TARDBP: variants seen among roughly 807,000 people sequenced by gnomAD.
TARDBP encodes the protein TAR DNA-binding protein 43.
Under a neutral mutation model 38.3 loss-of-function variants are expected in TARDBP, and 4 were observed. The observed-to-expected ratio is 0.10, with a 90% CI of 0.05 to 0.24. The LOEUF is 0.24. Among genes scored for constraint, TARDBP ranks in the 10% least tolerant of loss-of-function variants. The probability of loss-of-function intolerance (pLI) is 1.00; values close to 1 mark genes in which losing one functional copy is unlikely to be tolerated. For missense variants in TARDBP, 202 were observed against 521.9 expected, an observed-to-expected ratio of 0.39 and a Z score of 5.97; for synonymous variants, 184 against 183.8, an observed-to-expected ratio of 1.00 and a Z score of -0.01.
At chr1:11,013,130 G>A (rs1250386780) in intron 1 of TARDBP, among the ~76,000 whole-genome samples, 1 of 152,252 alleles carries the variant, frequency 6.6e-6, no homozygotes. Context: ...GGAGGCGACG[G>A]CCGGCACCGC....
chr1:11,017,076 A>G, intron 3 of TARDBP, 69 bp downstream of exon 3: 1 of 1,522,078 alleles, frequency 6.6e-7, no homozygotes, highest in African/African-American at 1.4e-5. Flanking sequence ...ATTTATTGGT[A>G]TAAATAGAGA....
chr1:11,030,143 A>G (rs1643818110), downstream of TARDBP: 6 of 1,516,580 alleles, frequency 4.0e-6, no homozygotes, highest in Middle Eastern at 3.4e-4. Context: ...CTTTCCATCA[A>G]TTACCAGTCT....
rs1643463035 is a variant in TARDBP, at chr1:11,013,785, T to G, written c.58T>G (p.Ser20Ala). The G allele has an allele frequency of 6.2e-7, 1 of 1,613,668 alleles. No individual in the cohort carries two copies. The highest frequency in any genetic ancestry group is 8.5e-7 in the Non-Finnish European group (1 of 1,179,784). The change falls in exon 2 of 6, where the codon TCG (serine) becomes GCG (alanine). Residue 20 changes from serine to alanine, a missense_variant. Physicochemically the swap from Ser to Ala is moderately conservative, Grantham distance 99 (BLOSUM62 1). Around this residue, in one of 5 missense-constraint regions of TARDBP, gnomAD observed 12 missense variants for 26.3 expected, o/e 0.46. Coordinates refer to ENST00000240185, the MANE Select transcript of TARDBP (RefSeq NM_007375.4). The part of the protein sequence containing the change: ...DENDEPIEIP[S>A]EDDGTVLLST... The stretch of plus-strand genomic sequence containing the variant: ...GAACGATGAGCCCATTGAAATACCA[T>G]CGGAAGACGATGGGACGGTGCTGCT...
Position 11,019,079 on chromosome 1 carries a change from T to A in TARDBP, c.543+206T>A, listed in dbSNP as rs1023998115. 6.3e-6 allele frequency: 4 copies of A among 632,092 alleles called. No homozygotes were observed. In the African/African-American group the frequency reaches 7.3e-5, roughly 12 times the overall value. The allele number at this position is 632,092 out of a possible 1,614,324, so 39.2% of individuals were successfully genotyped here. ...GTTTATTACTTCTCCAAACTAAACC[T>A]TTGTTCATTTTGTTCTTCCTTTTCG... On this transcript the variant is annotated intron_variant, in intron 4 of 5. Coordinates refer to ENST00000240185, the MANE Select transcript of TARDBP (RefSeq NM_007375.4).
chr1:11,013,646 G>A, intron 1 of TARDBP, 70 bp from the exon 2 acceptor site: 1 of 1,270,598 alleles, frequency 7.9e-7, no homozygotes, highest in Admixed American at 2.0e-5. Context: ...ACATGGTTTG[G>A]GTATTATCAT....
chr1:11,020,628 GC>G, intron 5 of TARDBP, 29 bp downstream of exon 5: 1 of 1,603,950 alleles, frequency 6.2e-7, no homozygotes, highest in South Asian at 1.1e-5. Flanking sequence ...ATATGTCCCG[GC>G]CGGGCGTGGT....
chr1:11,017,099 A>C (rs1428471915), intron 3 of TARDBP, 92 bp downstream of exon 3: 4 of 1,427,636 alleles, frequency 2.8e-6, no homozygotes, highest in Non-Finnish European at 3.9e-6. Context: ...GGGTATCACT[A>C]TGTTCCCTAG....
downstream of TARDBP, chr1:11,027,578 A>G: frequency 6.2e-7 from 1 of 1,614,202 alleles, no homozygotes; most frequent in Non-Finnish European, 8.5e-7. Context: ...CTTGCCAAGG[A>G]AAATCACCAG....
chr1:11,022,241 G>A lies in TARDBP; in HGVS notation c.832G>A (p.Gly278Ser). The A allele has an allele frequency of 6.2e-7, 1 of 1,613,982 alleles. No homozygotes were observed. The highest frequency in any genetic ancestry group is 8.5e-7 in the Non-Finnish European group (1 of 1,179,878). ...GTTAGAAAGAAGTGGAAGATTTGGT[G>A]GTAATCCAGGTGGCTTTGGGAATCA... ...RQLERSGRFG[G>S]NPGGFGNQGG... is the part of the protein sequence containing the mutation. The change falls in exon 6 of 6, where the codon GGT (glycine) becomes AGT (serine). Residue 278 changes from glycine (G) to serine (S), a missense_variant. By Grantham distance (56) the Gly-to-Ser change is moderately conservative (BLOSUM62 0). Around this residue, in one of 5 missense-constraint regions of TARDBP, gnomAD observed 107 missense variants for 190.5 expected, o/e 0.56. Transcript: ENST00000240185. The surrounding 1 kb of genome is among the most constrained non-coding windows in gnomAD (Gnocchi z 4.5).
At chr1:11,018,353 T>C in intron 3 of TARDBP, 2 of 134,790 alleles carry the variant, frequency 1.5e-5, no homozygotes. Flanking sequence ...TACACCTGGC[T>C]AATCTTTGTA....
chr1:11,021,136 T>C (rs1243510993), intron 5 of TARDBP, among the ~76,000 whole-genome samples: 1 of 151,520 alleles, frequency 6.6e-6, no homozygotes, highest in Non-Finnish European at 1.5e-5. Flanking sequence ...GGGAATGTTA[T>C]ATACTTTTTT....
downstream of TARDBP, chr1:11,026,793 C>T: frequency 1.8e-6 from 2 of 1,112,016 alleles, no homozygotes; most frequent in Non-Finnish European, 2.5e-6. Context: ...GCCATGTCCA[C>T]AGTAATGATG....
At chr1:11,025,884 A>C (rs1372843371), downstream of TARDBP, 1 of 154,814 alleles carries the variant, frequency 6.5e-6, no homozygotes, top group Non-Finnish European at 1.5e-5. Flanking sequence ...GTTGTTGTTG[A>C]GTATGAGCAA....
At position 11,013,702 on chromosome 1, in the gene TARDBP, T is replaced by G; in HGVS notation, c.-12-14T>G. Reference sequence around the variant, plus strand: ...GACATGAATGTTGTTCATTCATATCTCTTTTCTCTTTAGGAAAAGTAAAAG... The same window carrying G: ...GACATGAATGTTGTTCATTCATATCGCTTTTCTCTTTAGGAAAAGTAAAAG... On this transcript the variant is annotated splice_polypyrimidine_tract_variant and intron_variant, in intron 1 of 5. Coordinates refer to ENST00000240185, the MANE Select transcript of TARDBP (RefSeq NM_007375.4). 1 of 1,569,270 alleles carries G rather than the reference T, an allele frequency of 6.4e-7. No individual in the cohort carries two copies. Among genetic ancestry groups the G allele is most frequent in the Non-Finnish European group, 8.7e-7 (1 of 1,147,866 alleles).
In TARDBP at chr1:11,022,712, CATG is replaced by C; in HGVS notation, c.*59_*61del. ...GTGGGAATTCAAATTTTTCTAAACT[CATG>C]GTAAGTATATTGTAAAATACATATG... On this transcript the variant is annotated 3_prime_UTR_variant, in exon 6 of 6. Transcript: ENST00000240185. This position sits in a 1 kb window ranked among gnomAD's most constrained non-coding sequence, Gnocchi z 4.5. 6.3e-7 allele frequency: 1 copy of C among 1,578,962 alleles called. No homozygotes were observed. The highest frequency in any genetic ancestry group is 2.2e-5 in the East Asian group (1 of 44,518).
At chr1:11,013,639 T>G in intron 1 of TARDBP, 77 bp from the exon 2 acceptor site, 1 of 1,204,780 alleles carries the variant, frequency 8.3e-7, no homozygotes, top group Non-Finnish European at 1.2e-6. Context: ...AACTCTGACA[T>G]GGTTTGGGTA....
downstream of TARDBP, chr1:11,029,932 T>G (rs1013395751): frequency 2.9e-6 from 1 of 348,164 alleles, no homozygotes; most frequent in African/African-American, 2.2e-5. Context: ...AAAAATCATT[T>G]AATTTTTTAT....
downstream of TARDBP, chr1:11,026,814 G>T: frequency 7.5e-7 from 1 of 1,333,420 alleles, no homozygotes; most frequent in Non-Finnish European, 1.0e-6. Context: ...AATGCTTCTC[G>T]AGCCACGTCG....
intron 2 of TARDBP, among the ~76,000 whole-genome samples, chr1:11,015,358 C>T (rs1006864865): frequency 1.3e-5 from 2 of 150,560 alleles, no homozygotes; most frequent in Admixed American, 6.6e-5. Flanking sequence ...TGGTGGTTCG[C>T]GCCTGTAGTC....
Sources: allele counts gnomAD v4.1 joint callset (sites outside exome capture counted in the v4.1 genomes callset), GRCh38; gene constraint gnomAD v4.1.1; regional missense constraint gnomAD v4.1.1; non-coding constraint Gnocchi (gnomAD v3.1); transcripts MANE v1.5; gene names NCBI Gene and HGNC (gene_info 2026-07-23, HGNC 2026-07-21).